The following AKT3 variants were observed in gnomAD, a reference collection of about 807,000 sequenced individuals.
The protein encoded by AKT3 is RAC-gamma serine/threonine-protein kinase.
In AKT3, 15 loss-of-function variants were observed where a neutral mutation model predicts 65.3. The ratio of observed to expected loss-of-function variants is 0.23; its 90% confidence interval spans 0.15 to 0.35. The LOEUF is 0.35. Among genes scored for constraint, AKT3 ranks in the 10% least tolerant of loss-of-function variants. The pLI is 1.00. For synonymous variants in AKT3, 206 were observed against 183.8 expected (o/e 1.12, Z -0.98); for missense variants, 243 against 576.5 (o/e 0.42, Z 5.92).
intron 4 of AKT3, 65 bp downstream of exon 4, chr1:243,664,707 G>A: frequency 1.4e-6 from 1 of 690,358 alleles, no homozygotes; most frequent in Non-Finnish European, 2.3e-6. Flanking sequence ...AATAAAGTCA[G>A]ATACAAATAC....
intron 12 of AKT3, among the ~76,000 whole-genome samples, chr1:243,523,904 G>A (rs978108077): frequency 2.0e-5 from 3 of 151,560 alleles, no homozygotes; most frequent in Non-Finnish European, 2.9e-5. Context: ...ATAAACTACA[G>A]TCATGTGTCA....
At chr1:243,548,013 T>C (rs771570845) in intron 11 of AKT3, 1 of 152,226 alleles carries the variant, frequency 6.6e-6, no homozygotes, top group Non-Finnish European at 1.5e-5. Context: ...TTCATTCTAT[T>C]TCAGTTGTGT....
chr1:243,583,454 C>G lies in AKT3; in HGVS notation c.697-10406G>C, dbSNP rs189663473. ...AAAAACATCTACAGAATACTCTACC[C>G]ATCAGCCACAGAACATACATTCTTC... On this transcript the variant is annotated intron_variant, in intron 8 of 13. Coordinates refer to ENST00000673466, the MANE Select transcript of AKT3 (RefSeq NM_005465.7). 2.5e-3 allele frequency among the ~76,000 whole-genome samples: 378 copies of G among 148,562 alleles called. 2 individuals carry two copies. Among genetic ancestry groups the G allele is most frequent in the African/African-American group, 8.8e-3 (355 of 40,406 alleles).
At chr1:243,815,113 T>C (rs985669317) in intron 2 of AKT3, among the ~76,000 whole-genome samples, 1 of 152,190 alleles carries the variant, frequency 6.6e-6, no homozygotes, top group African/African-American at 2.4e-5. Flanking sequence ...TTCTTAATTT[T>C]AGTATCAATG....
intron 6 of AKT3, chr1:243,624,648 C>A: frequency 5.3e-6 from 1 of 189,806 alleles, no homozygotes; most frequent in East Asian, 1.3e-4. Context: ...AGCTCCAAAT[C>A]ATGAACATTT....
intron 13 of AKT3, among the ~76,000 whole-genome samples, chr1:243,510,009 A>G (rs947620169): frequency 1.3e-5 from 2 of 152,212 alleles, no homozygotes; most frequent in African/African-American, 2.4e-5. Context: ...CTTAAGTAAA[A>G]TATCTACTCC....
Position 243,502,758 on chromosome 1 carries a change from GC to G in AKT3, c.*2490del, listed in dbSNP as rs1464056549. 2.1e-5 allele frequency: 5 copies of G among 233,170 alleles called. No homozygotes were observed. The highest frequency in any genetic ancestry group is 3.4e-5 in the Non-Finnish European group (4 of 118,068). 14.4% of individuals were successfully genotyped at this position (233,170 alleles called of 1,614,324 possible). On this transcript the variant is annotated 3_prime_UTR_variant, in exon 14 of 14. Coordinates refer to ENST00000673466, the MANE Select transcript of AKT3 (RefSeq NM_005465.7). Reference sequence around the variant, plus strand: ...CAGAGGGTGGAATAGAAGTGACTGAGCCCCAGGCATGGCTGGGAACTGAGAG... The same window carrying G: ...CAGAGGGTGGAATAGAAGTGACTGAGCCCAGGCATGGCTGGGAACTGAGAG...
chr1:243,803,927 T>C (rs1692549702), intron 2 of AKT3, among the ~76,000 whole-genome samples: 1 of 152,180 alleles, frequency 6.6e-6, no homozygotes, highest in South Asian at 2.1e-4. Flanking sequence ...GAGTCTATCT[T>C]CCTTTCAGAC....
At chr1:243,515,228 T>C (rs552821467) in intron 12 of AKT3, among the ~76,000 whole-genome samples, 4 of 152,200 alleles carry the variant, frequency 2.6e-5, no homozygotes, top group Non-Finnish European at 4.4e-5. Flanking sequence ...TTTGGGGCAA[T>C]TACAAACAAA....
intron 3 of AKT3, among the ~76,000 whole-genome samples, chr1:243,675,703 T>C (rs1683464050): frequency 6.6e-6 from 1 of 152,218 alleles, no homozygotes; most frequent in South Asian, 2.1e-4. Context: ...ATTTTCCTTG[T>C]TCTCATTTTC....
intron 10 of AKT3, among the ~76,000 whole-genome samples, chr1:243,554,547 C>T (rs1306768581): frequency 6.6e-6 from 1 of 152,120 alleles, no homozygotes; most frequent in Admixed American, 6.5e-5. Flanking sequence ...TTCATATTTA[C>T]GTTAAAGGAA....
At chr1:243,618,909 C>T (rs1427316557) in intron 6 of AKT3, among the ~76,000 whole-genome samples, 1 of 151,920 alleles carries the variant, frequency 6.6e-6, no homozygotes, top group Non-Finnish European at 1.5e-5. Context: ...AAATTTCTAC[C>T]CTTAATGATC....
intron 3 of AKT3, among the ~76,000 whole-genome samples, chr1:243,695,088 T>C (rs1212072581): frequency 1.3e-5 from 2 of 152,098 alleles, no homozygotes; most frequent in East Asian, 3.9e-4. Context: ...ATACAAAATT[T>C]CTAAGTAAGT....
At chr1:243,688,721 C>T (rs929924393) in intron 3 of AKT3, among the ~76,000 whole-genome samples, 1 of 152,048 alleles carries the variant, frequency 6.6e-6, no homozygotes, top group Non-Finnish European at 1.5e-5. Context: ...CAGGTACATC[C>T]TTTTAAAAAA....
rs568472999 is a variant in AKT3 at position 243,839,701 on chromosome 1, TACTC to T, written c.46+3420_46+3423del. ...AGAAGATATTTACTGAAAAGCAACT[TACTC>T]ACATTAAAAGTACAAATCAGATTAT... On this transcript the variant is annotated intron_variant, in intron 2 of 13. Transcript: ENST00000673466. 3.9e-3 allele frequency among the ~76,000 whole-genome samples: 600 copies of T among 152,188 alleles called. 3 individuals carry two copies. Among genetic ancestry groups the T allele is most frequent in the South Asian group, 6.4e-3 (31 of 4,828 alleles).
At chr1:243,824,862 T>G (rs1694074879) in intron 2 of AKT3, among the ~76,000 whole-genome samples, 1 of 152,184 alleles carries the variant, frequency 6.6e-6, no homozygotes, top group South Asian at 2.1e-4. Flanking sequence ...CTCAAAGACC[T>G]AGAACCAGAA....
intron 2 of AKT3, among the ~76,000 whole-genome samples, chr1:243,835,635 GT>G (rs1325095243): frequency 6.6e-6 from 1 of 152,062 alleles, no homozygotes; most frequent in Non-Finnish European, 1.5e-5. Flanking sequence ...AGATATATCT[GT>G]TTATATAATG....
chr1:243,616,307 T>TAAAAA lies in AKT3; in HGVS notation c.562-1151_562-1147dup, dbSNP rs57576796. The stretch of plus-strand genomic sequence containing the variant: ...GACTACAGGTTTAATGTGCTTTTCT[T>TAAAAA]AAAAAAAAAAAAAAAAAAAAAAAAA... On this transcript the variant is annotated intron_variant, in intron 6 of 13. Transcript: ENST00000673466. Among the ~76,000 whole-genome samples, 348 of 66,712 alleles carry TAAAAA rather than the reference T, an allele frequency of 5.2e-3. 17 individuals carry two copies. The highest frequency in any genetic ancestry group is 0.036 in the Middle Eastern group (2 of 56). 43.8% of individuals were successfully genotyped at this position (66,712 alleles called of 152,430 possible). A position where few individuals can be genotyped will look rare whatever the true frequency, so the allele number is the denominator to read the frequency against.
chr1:243,618,409 C>T (rs754793553), intron 6 of AKT3, among the ~76,000 whole-genome samples: 8 of 151,966 alleles, frequency 5.3e-5, no homozygotes, highest in South Asian at 2.1e-4. Flanking sequence ...ATAAGGTATG[C>T]GCAAGCTAAA....
Sources: gnomAD v4.1 joint callset for allele counts (sites outside exome capture counted in the v4.1 genomes callset) on GRCh38, gnomAD v4.1.1 for gene constraint, MANE v1.5 for transcripts, NCBI Gene and HGNC (gene_info 2026-07-23, HGNC 2026-07-21) for gene names.